The following FBXL17 variants were observed in gnomAD, a reference collection of about 807,000 sequenced individuals.
The protein encoded by FBXL17 is F-box/LRR-repeat protein 17.
In FBXL17, 22 loss-of-function variants were observed where a neutral mutation model predicts 66.2. The ratio of observed to expected loss-of-function variants is 0.33; its 90% CI spans 0.24 to 0.47. The LOEUF is 0.47. Ranked by LOEUF, FBXL17 falls within the 20% of genes least tolerant of loss-of-function variation. The pLI is 1.00. For missense variants in FBXL17, 878 were observed against 948.2 expected (o/e 0.93, Z 0.97); for synonymous variants, 474 against 400.5 (o/e 1.18, Z -2.19).
chr5:107,920,595 T>C (rs1750282533), intron 7 of FBXL17, among the ~76,000 whole-genome samples: 1 of 152,196 alleles, frequency 6.6e-6, no homozygotes, highest in African/African-American at 2.4e-5. Context: ...GGTGGTCAAC[T>C]TCAAGGGATA....
Position 107,860,123 on chromosome 5 carries a change from T to C in FBXL17, c.*1597A>G, listed in dbSNP as rs12522548. 0.17 allele frequency: 25,658 copies of C among 152,216 alleles called. 2,349 individuals carry two copies. Among genetic ancestry groups the C allele is most frequent in the Middle Eastern group, 0.29 (84 of 294 alleles). 9.4% of individuals were successfully genotyped at this position (152,216 alleles called of 1,614,324 possible). ...TGTTGACATAATCAAAGGAAACAGT[T>C]GTTTACAAAAAAAGAGAATCATTAG... On this transcript the variant is annotated 3_prime_UTR_variant, in exon 9 of 9. Coordinates refer to ENST00000542267, the MANE Select transcript of FBXL17 (RefSeq NM_001163315.3).
At chr5:108,047,604 T>C (rs1201688266) in intron 6 of FBXL17, among the ~76,000 whole-genome samples, 2 of 152,182 alleles carry the variant, frequency 1.3e-5, no homozygotes, top group African/African-American at 4.8e-5. Flanking sequence ...TTTCCCTTGC[T>C]GGAGCCAGGG....
chr5:107,985,420 T>C lies in FBXL17; in HGVS notation c.1822+35505A>G, dbSNP rs919533882. Among the ~76,000 whole-genome samples the C allele has an allele frequency of 2.0e-5, 3 of 152,332 alleles. No homozygotes were observed. The South Asian group carries it at 6.2e-4, about 32-fold the overall frequency. The stretch of plus-strand genomic sequence containing the variant: ...AAAGTTCAGTGGAGGTGATGCAGAC[T>C]GTGTAGTTATTCCAGGATTACCTTG... On this transcript the variant is annotated intron_variant, in intron 7 of 8. Coordinates refer to ENST00000542267, the MANE Select transcript of FBXL17 (RefSeq NM_001163315.3).
intron 7 of FBXL17, among the ~76,000 whole-genome samples, chr5:107,998,642 T>C (rs767323201): frequency 2.0e-5 from 3 of 152,022 alleles, no homozygotes; most frequent in Non-Finnish European, 2.9e-5. Flanking sequence ...TTTCAACATA[T>C]ATGTATATAA....
At chr5:108,262,038 T>C (rs2150126694) in intron 4 of FBXL17, among the ~76,000 whole-genome samples, 1 of 150,564 alleles carries the variant, frequency 6.6e-6, no homozygotes, top group African/African-American at 2.4e-5. Flanking sequence ...AAAGGGAGAA[T>C]ACAAAGTGAT....
chr5:108,109,873 A>G (rs144147249), intron 6 of FBXL17, among the ~76,000 whole-genome samples: 1 of 152,322 alleles, frequency 6.6e-6, no homozygotes, highest in African/African-American at 2.4e-5. Flanking sequence ...TTCAAACATC[A>G]AATTCATTCA....
At chr5:108,281,060 A>G (rs1165188148) in intron 4 of FBXL17, among the ~76,000 whole-genome samples, 11 of 151,922 alleles carry the variant, frequency 7.2e-5, no homozygotes, top group African/African-American at 2.4e-4. Flanking sequence ...GACAGATAGC[A>G]ATACAATAAT....
At chr5:108,362,464 T>C (rs1481303489) in intron 3 of FBXL17, among the ~76,000 whole-genome samples, 1 of 152,130 alleles carries the variant, frequency 6.6e-6, no homozygotes, top group Non-Finnish European at 1.5e-5. Flanking sequence ...AAACAGCCCT[T>C]TATTCTTAAA....
chr5:108,112,899 T>C (rs1750093875), intron 6 of FBXL17, among the ~76,000 whole-genome samples: 1 of 152,202 alleles, frequency 6.6e-6, no homozygotes, highest in Admixed American at 6.5e-5. Flanking sequence ...AAAATAGGGG[T>C]AAAGTGGGAG....
chr5:108,370,335 T>C (rs992857947), intron 1 of FBXL17, among the ~76,000 whole-genome samples: 1 of 152,194 alleles, frequency 6.6e-6, no homozygotes, highest in Non-Finnish European at 1.5e-5. Flanking sequence ...GGACAAAAGT[T>C]GTAAACATAT....
At chr5:108,072,557 A>T (rs1038386192) in intron 6 of FBXL17, among the ~76,000 whole-genome samples, 3 of 152,160 alleles carry the variant, frequency 2.0e-5, no homozygotes, top group Non-Finnish European at 1.5e-5. Context: ...TTTTTAAAAA[A>T]ATTAGCCGGG....
At position 108,331,825 on chromosome 5, in the gene FBXL17, GA is replaced by G. The variant is rs562376141; in HGVS notation, c.1506+16573del. Reference sequence around the variant, plus strand: ...GCTAAAATTGCAACAAATCAAAACTGAAAAAAAAGACCTCGTTATCCATATT... The same window carrying G: ...GCTAAAATTGCAACAAATCAAAACTGAAAAAAAGACCTCGTTATCCATATT... On this transcript the variant is annotated intron_variant, in intron 4 of 8. Transcript: ENST00000542267. Among the ~76,000 whole-genome samples the G allele has an allele frequency of 2.5e-4, 38 of 150,886 alleles. No homozygotes were observed. In the South Asian group the frequency reaches 7.1e-3, roughly 28 times the overall value.
At chr5:108,213,483 G>A (rs552153728) in intron 5 of FBXL17, among the ~76,000 whole-genome samples, 13 of 152,200 alleles carry the variant, frequency 8.5e-5, no homozygotes, top group Non-Finnish European at 1.6e-4. Flanking sequence ...GACAAGCGCA[G>A]TATCTGTGCT....
At position 108,224,219 on chromosome 5, in the gene FBXL17, G is replaced by T; in HGVS notation, c.1516C>A (p.Gln506Lys). The change falls in exon 5 of 9, where the codon CAG (glutamine) becomes AAG (lysine). Residue 506 changes from glutamine to lysine, a missense_variant. This residue lies in a region of FBXL17 where 236 missense variants were observed against 389.1 expected (regional missense o/e 0.61). Transcript: ENST00000542267. Reference sequence around the variant, plus strand: ...TGTTCAGCAAATGCTTTCACTGACTGATCTGTCACCTAGGGAAAAGACATG... The same window carrying T: ...TGTTCAGCAAATGCTTTCACTGACTTATCTGTCACCTAGGGAAAAGACATG... ...YMQENKLVTD[Q>K]SVKAFAEHCP... is the part of the protein sequence containing the mutation. 1.9e-6 allele frequency: 3 copies of T among 1,588,860 alleles called. No individual in the cohort carries two copies. Among genetic ancestry groups the T allele is most frequent in the South Asian group, 1.1e-5 (1 of 88,868 alleles).
chr5:108,283,998 C>T (rs1285462106), intron 4 of FBXL17, among the ~76,000 whole-genome samples: 2 of 151,912 alleles, frequency 1.3e-5, no homozygotes, highest in African/African-American at 4.8e-5. Context: ...TGTCATCTTA[C>T]TCCAGGCAAA....
intron 7 of FBXL17, among the ~76,000 whole-genome samples, chr5:107,885,128 T>C (rs192806528): frequency 1.3e-5 from 2 of 152,334 alleles, no homozygotes; most frequent in East Asian, 3.9e-4. Context: ...TACAATGGTA[T>C]TTATTGAACC....
intron 4 of FBXL17, among the ~76,000 whole-genome samples, chr5:108,249,863 A>G (rs1408414209): frequency 6.6e-6 from 1 of 152,184 alleles, no homozygotes; most frequent in Non-Finnish European, 1.5e-5. Flanking sequence ...CTACCACATT[A>G]GGACAGAGAA....
intron 4 of FBXL17, among the ~76,000 whole-genome samples, chr5:108,250,229 C>T (rs953722737): frequency 7.9e-5 from 12 of 152,008 alleles, no homozygotes; most frequent in African/African-American, 2.2e-4. Context: ...GTGAATGGGG[C>T]CAACGTCTCT....
intron 7 of FBXL17, among the ~76,000 whole-genome samples, chr5:108,012,941 G>T (rs1754234310): frequency 6.6e-6 from 1 of 150,434 alleles, no homozygotes; most frequent in Non-Finnish European, 1.5e-5. Context: ...CTTGAACCTG[G>T]GAGGCGGAGG....
Sources: allele counts gnomAD v4.1 joint callset (sites outside exome capture counted in the v4.1 genomes callset), GRCh38; gene constraint gnomAD v4.1.1; regional missense constraint gnomAD v4.1.1; transcripts MANE v1.5; gene names NCBI Gene and HGNC (gene_info 2026-07-23, HGNC 2026-07-21).